NSD2: variants seen among roughly 807,000 people sequenced by gnomAD.
NSD2 encodes histone-lysine N-methyltransferase NSD2.
A neutral mutation model predicts 139.0 loss-of-function variants in NSD2; 12 were observed. That is an observed-to-expected ratio of 0.09 (90% CI 0.06 to 0.14). NSD2 has a LOEUF of 0.14. NSD2 is among the 10% of genes least tolerant of loss of function. NSD2 has a pLI of 1.00. For synonymous variants in NSD2, 669 were observed against 648.7 expected (o/e 1.03, Z -0.48); for missense variants, 1,155 against 1,745.0 (o/e 0.66, Z 6.02).
intron 1 of NSD2, among the ~76,000 whole-genome samples, chr4:1,898,684 A>AAC (rs1205635227): frequency 1.4e-5 from 2 of 145,226 alleles, no homozygotes; most frequent in African/African-American, 5.0e-5. Flanking sequence ...AAAAACAAAA[A>AAC]ACACACTTTT....
At chr4:1,938,932 G>A (rs955913740) in intron 8 of NSD2, among the ~76,000 whole-genome samples, 1 of 152,042 alleles carries the variant, frequency 6.6e-6, no homozygotes, top group African/African-American at 2.4e-5. Flanking sequence ...GTAAGGGCTC[G>A]TTATTTATAT....
At chr4:1,871,641 C>G (rs1278664613) in intron 1 of NSD2, 99 bp downstream of exon 1, 3 of 149,102 alleles carry the variant, frequency 2.0e-5, no homozygotes, top group Admixed American at 2.0e-4. Context: ...CGGGGAGGAC[C>G]GCGGAGGCCT....
chr4:1,937,255 T>C (rs1400469349), intron 7 of NSD2, among the ~76,000 whole-genome samples: 2 of 152,074 alleles, frequency 1.3e-5, no homozygotes, highest in African/African-American at 2.4e-5. Flanking sequence ...GGTTTCACCA[T>C]GTTGGCCAGG....
chr4:1,948,650 A>G lies in NSD2; in HGVS notation c.1882-2422A>G. ...TGTATGTGGGTCCCAGACCCTGATCAGGAAATGAGCCTCATGTGTGTCGTT... is the reference window on the plus strand; with the variant it reads ...TGTATGTGGGTCCCAGACCCTGATCGGGAAATGAGCCTCATGTGTGTCGTT... On this transcript the variant is annotated intron_variant, in intron 9 of 21. Coordinates refer to ENST00000508803, the MANE Select transcript of NSD2 (RefSeq NM_001042424.3). This position sits in a 1 kb window ranked among gnomAD's most constrained non-coding sequence, Gnocchi z 4.5. 1.3e-5 allele frequency: 14 copies of G among 1,060,990 alleles called. No individual in the cohort carries two copies. Among genetic ancestry groups the G allele is most frequent in the Non-Finnish European group, 1.6e-5 (14 of 875,548 alleles). The allele number at this position is 1,060,990 out of a possible 1,614,324, so 65.7% of individuals were successfully genotyped here.
chr4:1,896,972 A>C (rs772587139), intron 1 of NSD2, among the ~76,000 whole-genome samples: 4 of 151,906 alleles, frequency 2.6e-5, no homozygotes, highest in Admixed American at 1.3e-4. Flanking sequence ...GGAGTTGGAG[A>C]CCAGCCTCGG....
chr4:1,910,689 G>A (rs1310320677), intron 3 of NSD2, among the ~76,000 whole-genome samples: 1 of 152,156 alleles, frequency 6.6e-6, no homozygotes, highest in Admixed American at 6.5e-5. Flanking sequence ...CGTGTCTTGT[G>A]CTGTTTGATG....
At chr4:1,939,036 A>G (rs188003692) in intron 8 of NSD2, among the ~76,000 whole-genome samples, 378 of 152,344 alleles carry the variant, frequency 2.5e-3, no homozygotes, top group African/African-American at 8.8e-3. Context: ...CCTTTTAGTT[A>G]TCTTTTTGAA....
chr4:1,963,311 C>T (rs1177392043), intron 18 of NSD2, among the ~76,000 whole-genome samples: 2 of 152,146 alleles, frequency 1.3e-5, no homozygotes, highest in African/African-American at 2.4e-5. Flanking sequence ...AGTGATAAGT[C>T]TTGCTCAAAG....
intron 18 of NSD2, among the ~76,000 whole-genome samples, chr4:1,963,992 C>G (rs1000594127): frequency 6.6e-6 from 1 of 152,130 alleles, no homozygotes; most frequent in Non-Finnish European, 1.5e-5. Flanking sequence ...AATGGGAACC[C>G]GGTCTCTAAA....
intron 3 of NSD2, among the ~76,000 whole-genome samples, chr4:1,914,477 C>A (rs546906528): frequency 5.3e-5 from 8 of 152,110 alleles, no homozygotes; most frequent in Non-Finnish European, 1.2e-4. Context: ...GGGCACACGC[C>A]ACCATGCCTG....
chr4:1,929,780 C>T (rs1016774430), intron 5 of NSD2, among the ~76,000 whole-genome samples: 4 of 152,150 alleles, frequency 2.6e-5, no homozygotes, highest in Admixed American at 6.5e-5. Flanking sequence ...TCTCGAGATC[C>T]GTGGCTCTCG....
At chr4:1,943,224 G>A in intron 9 of NSD2, 1 of 1,041,710 alleles carries the variant, frequency 9.6e-7, no homozygotes, top group Non-Finnish European at 1.2e-6. Context: ...AGCAGAAGGT[G>A]TGCTATTCAC....
intron 6 of NSD2, 119 bp from the exon 7 acceptor site, chr4:1,935,025 C>T: frequency 1.6e-6 from 1 of 612,908 alleles, no homozygotes; most frequent in Non-Finnish European, 2.7e-6. Context: ...AGCAGGGTTA[C>T]AGGAAACCCA....
chr4:1,919,289 C>G (rs1719819654), intron 5 of NSD2: 1 of 152,070 alleles, frequency 6.6e-6, no homozygotes, highest in Admixed American at 6.6e-5. Flanking sequence ...CTCCAGCAGT[C>G]TGTTCTGAAG....
intron 6 of NSD2, among the ~76,000 whole-genome samples, chr4:1,933,151 T>A (rs1721874450): frequency 6.6e-6 from 1 of 152,214 alleles, no homozygotes; most frequent in South Asian, 2.1e-4. Context: ...GAACTGCAGC[T>A]GGTGAGGGCC....
chr4:1,899,169 A>G (rs1040354562), intron 1 of NSD2: 4 of 152,234 alleles, frequency 2.6e-5, no homozygotes, highest in African/African-American at 9.6e-5. Context: ...TGGGACTTCA[A>G]CATTTTTTCA....
chr4:1,952,274 C>T lies in NSD2; in HGVS notation c.2137+43C>T, dbSNP rs772469224. The T allele has an allele frequency of 3.7e-6, 6 of 1,608,694 alleles. No individual in the cohort carries two copies. In the South Asian group the frequency reaches 5.5e-5, roughly 15 times the overall value. On this transcript the variant is annotated intron_variant, in intron 11 of 21. Transcript: ENST00000508803. ...GGCAGCTCTGCAGCCTGGCCGGCCA[C>T]CTGCTCCTGCAACCCCCTGCACCAA...
In NSD2 at chr4:1,941,503, C is replaced by T. The variant is rs114616446; in HGVS notation, c.1881+1725C>T. 1,550 of 1,045,600 alleles carry T rather than the reference C, an allele frequency of 1.5e-3. 21 individuals are homozygous for T. The African/African-American group carries it at 0.024, about 16-fold the overall frequency. The allele number at this position is 1,045,600 out of a possible 1,614,324, so 64.8% of individuals were successfully genotyped here. A position where few individuals can be genotyped will look rare whatever the true frequency, so the allele number is the denominator to read the frequency against. ...AGTCTCCCTGGCCTAGGCAGTTGTC[C>T]TGACCTTGAGAAGACATAGATGAAG... On this transcript the variant is annotated intron_variant, in intron 9 of 21. Coordinates refer to ENST00000508803, the MANE Select transcript of NSD2 (RefSeq NM_001042424.3).
chr4:1,901,631 G>C (rs1331186340), intron 2 of NSD2, among the ~76,000 whole-genome samples: 2 of 152,224 alleles, frequency 1.3e-5, no homozygotes, highest in Admixed American at 1.3e-4. Context: ...TTAGCCTGAT[G>C]TGGTCAGTGG....
Sources: allele counts gnomAD v4.1 joint callset (sites outside exome capture counted in the v4.1 genomes callset), GRCh38; gene constraint gnomAD v4.1.1; non-coding constraint Gnocchi (gnomAD v3.1); transcripts MANE v1.5; gene names NCBI Gene and HGNC (gene_info 2026-07-23, HGNC 2026-07-21).